MOGAT2: variants seen among roughly 807,000 people sequenced by gnomAD.
MOGAT2 encodes the protein monoacylglycerol O-acyltransferase 2, also known as 2-acylglycerol O-acyltransferase 2.
MOGAT2 carries 27 observed loss-of-function variants against 31.5 expected under a neutral mutation model. That is an observed-to-expected ratio of 0.86 (90% confidence interval 0.63 to 1.18). The LOEUF is 1.18. Ranked by LOEUF, MOGAT2 falls within the 50% of genes most tolerant of loss-of-function variation. The pLI is 0.00. For missense variants in MOGAT2, 436 were observed against 433.2 expected, an observed-to-expected ratio of 1.01 and a Z score of -0.06; for synonymous variants, 163 against 170.0, an observed-to-expected ratio of 0.96 and a Z score of 0.32.
Position 75,731,428 on chromosome 11 carries a change from C to A in MOGAT2, c.*142C>A. ...ACCCATATCAGGCTGTAAGTCAGAGCAGGCAATGCAGAAGAGGAGACCAGA... is the reference window on the plus strand; with the variant it reads ...ACCCATATCAGGCTGTAAGTCAGAGAAGGCAATGCAGAAGAGGAGACCAGA... On this transcript the variant is annotated 3_prime_UTR_variant, in exon 6 of 6. Transcript: ENST00000198801. 1.1e-6 allele frequency: 1 copy of A among 941,086 alleles called. No homozygotes were observed. The highest frequency in any genetic ancestry group is 1.5e-6 in the Non-Finnish European group (1 of 670,928). 58.3% of individuals were successfully genotyped at this position (941,086 alleles called of 1,614,324 possible).
chr11:75,727,769 CA>C (rs1372118841), intron 3 of MOGAT2, 130 bp downstream of exon 3: 7 of 1,071,572 alleles, frequency 6.5e-6, no homozygotes, highest in Non-Finnish European at 9.5e-6. Flanking sequence ...GCACTTCCTA[CA>C]GCACCATGCT....
At chr11:75,722,914 C>T (rs1176722828) in intron 2 of MOGAT2, among the ~76,000 whole-genome samples, 4 of 152,196 alleles carry the variant, frequency 2.6e-5, no homozygotes, top group African/African-American at 7.2e-5. Flanking sequence ...ACACAGGCCT[C>T]GATTTGCAGA....
In MOGAT2 at chr11:75,727,432, C is replaced by A. The variant is rs189844213; in HGVS notation, c.271-3C>A. 58 of 1,612,498 alleles carry A rather than the reference C, an allele frequency of 3.6e-5. No individual in the cohort carries two copies. In the Admixed American group the frequency reaches 9.5e-4, roughly 26 times the overall value. On this transcript the variant is annotated splice_polypyrimidine_tract_variant and splice_region_variant and intron_variant, in intron 2 of 5. Transcript: ENST00000198801. ...CTGGCTCAGCAGGTTGCCGTCCCTG[C>A]AGCTGGTCAAGACTGCTGAGCTGGA...
intron 5 of MOGAT2, among the ~76,000 whole-genome samples, chr11:75,730,313 C>T (rs763454389): frequency 4.6e-5 from 7 of 152,108 alleles, no homozygotes; most frequent in East Asian, 1.9e-4. Flanking sequence ...TGCAGGTCAG[C>T]GTGGAGGGGT....
At chr11:75,728,702 C>T (rs746768680) in intron 4 of MOGAT2, 88 bp from the exon 5 acceptor site, 9 of 1,176,648 alleles carry the variant, frequency 7.6e-6, no homozygotes, top group Non-Finnish European at 1.1e-5. Context: ...TTCTTGGTCA[C>T]TGAGTCCCTG....
intron 2 of MOGAT2, among the ~76,000 whole-genome samples, chr11:75,722,237 C>T (rs914386171): frequency 1.3e-5 from 2 of 152,190 alleles, no homozygotes; most frequent in Non-Finnish European, 2.9e-5. Flanking sequence ...CTCATCCCCA[C>T]CCCAGGACCT....
chr11:75,729,018 G>A, intron 5 of MOGAT2, 29 bp downstream of exon 5: 4 of 1,608,598 alleles, frequency 2.5e-6, no homozygotes, highest in Non-Finnish European at 3.4e-6. Context: ...TGGGAGGGAG[G>A]AGGCCAAAGG....
chr11:75,719,043 A>C, intron 1 of MOGAT2, among the ~76,000 whole-genome samples: 1 of 151,192 alleles, frequency 6.6e-6, no homozygotes, highest in Admixed American at 6.6e-5. Flanking sequence ...GTAGTGAAAA[A>C]ACTCCCCCTT....
At chr11:75,730,273 C>T (rs1944463623) in intron 5 of MOGAT2, among the ~76,000 whole-genome samples, 1 of 152,182 alleles carries the variant, frequency 6.6e-6, no homozygotes, top group Admixed American at 6.5e-5. Context: ...TAGGTCCTTC[C>T]TGGTTCTTCC....
rs1944493715 is a variant in MOGAT2 at position 75,732,653 on chromosome 11, G to GATGCCATGGA, written c.*1375_*1384dup. ...CTCTGAGTTTTTGCCCATGATGTTG[G>GATGCCATGGA]ATGCCATGGAATGCCATATCCTCCC... On this transcript the variant is annotated 3_prime_UTR_variant, in exon 6 of 6. Transcript: ENST00000198801. 1.3e-5 allele frequency: 2 copies of GATGCCATGGA among 152,250 alleles called. No individual in the cohort carries two copies. The highest frequency in any genetic ancestry group is 4.8e-5 in the African/African-American group (2 of 41,398). 9.4% of individuals were successfully genotyped at this position (152,250 alleles called of 1,614,324 possible).
chr11:75,728,925 T>C lies in MOGAT2; in HGVS notation c.786T>C (p.His262=). The C allele has an allele frequency of 3.1e-6, 5 of 1,614,206 alleles. No individual in the cohort carries two copies. The highest frequency in any genetic ancestry group is 4.2e-6 in the Non-Finnish European group (5 of 1,180,042). Residue 262 remains histidine (H), a synonymous_variant, in exon 5 of 6, where the codon CAT becomes CAC. Coordinates refer to ENST00000198801, the MANE Select transcript of MOGAT2 (RefSeq NM_025098.4). ...KIMGISLPLF[H]GRGVFQYSFG... is the part of the protein sequence containing the mutation. The stretch of plus-strand genomic sequence containing the variant: ...TGGGCATCTCCCTCCCACTCTTTCA[T>C]GGCCGTGGTGTCTTCCAGTACAGCT...
In MOGAT2 at chr11:75,731,271, C is replaced by T; in HGVS notation, c.990C>T (p.His330=). 6.2e-7 allele frequency: 1 copy of T among 1,614,102 alleles called. No individual in the cohort carries two copies. Among genetic ancestry groups the T allele is most frequent in the Non-Finnish European group, 8.5e-7 (1 of 1,179,992 alleles). ...KLKFNIPADQ[H]LEFC ...AGTTCAACATCCCTGCTGACCAGCA[C>T]TTGGAGTTCTGCTGAGCCCAAAGGG... Residue 330 remains histidine (H), a synonymous_variant, in exon 6 of 6, where the codon CAC becomes CAT. Transcript: ENST00000198801.
At chr11:75,730,023 G>A (rs145116727) in intron 5 of MOGAT2, among the ~76,000 whole-genome samples, 2 of 152,320 alleles carry the variant, frequency 1.3e-5, no homozygotes, top group East Asian at 3.9e-4. Context: ...GGGATTACAG[G>A]CATAAGCCAC....
intron 2 of MOGAT2, among the ~76,000 whole-genome samples, chr11:75,723,784 C>T (rs117111120): frequency 0.034 from 5,139 of 152,180 alleles, 116 homozygotes; most frequent in Non-Finnish European, 0.054. Context: ...CAATAGCAGC[C>T]CCCAGAGCCT....
chr11:75,727,381 G>A, intron 2 of MOGAT2, 54 bp from the exon 3 acceptor site: 2 of 1,557,620 alleles, frequency 1.3e-6, no homozygotes, highest in South Asian at 2.3e-5. Context: ...GAGTGGCAGA[G>A]TCAGGGCTGG....
In MOGAT2 at chr11:75,724,092, T is replaced by C. The variant is rs960448119; in HGVS notation, c.271-3343T>C. ...CAGGGGCTTGGCAATGGTCATGTGATGAGCCAGCGGCAGAACCGGGGTCTC... is the reference window on the plus strand; with the variant it reads ...CAGGGGCTTGGCAATGGTCATGTGACGAGCCAGCGGCAGAACCGGGGTCTC... On this transcript the variant is annotated intron_variant, in intron 2 of 5. Transcript: ENST00000198801. 2.7e-4 allele frequency among the ~76,000 whole-genome samples: 41 copies of C among 152,196 alleles called. 1 individual carries two copies. The highest frequency in any genetic ancestry group is 4.4e-5 in the Non-Finnish European group (3 of 68,036).
In MOGAT2 at chr11:75,727,453, C is replaced by G; in HGVS notation, c.289C>G (p.Leu97Val). ...FPISLVKTAELDPSRNYIAGF... is the reference protein window; with the variant it reads ...FPISLVKTAEVDPSRNYIAGF... ...CCTGCAGCTGGTCAAGACTGCTGAGCTGGACCCCTCTCGGAACTACATTGC... is the reference window on the plus strand; with the variant it reads ...CCTGCAGCTGGTCAAGACTGCTGAGGTGGACCCCTCTCGGAACTACATTGC... Residue 97 changes from leucine (L) to valine (V), a missense_variant, in exon 3 of 6, where the codon CTG becomes GTG. Transcript: ENST00000198801. 1 of 1,614,096 alleles carries G rather than the reference C, an allele frequency of 6.2e-7. No homozygotes were observed. Among genetic ancestry groups the G allele is most frequent in the South Asian group, 1.1e-5 (1 of 91,078 alleles).
rs1285488921 is a variant in MOGAT2 at position 75,717,864 on chromosome 11, G to C, written c.-25G>C. 1.2e-6 allele frequency: 2 copies of C among 1,611,394 alleles called. No individual in the cohort carries two copies. The highest frequency in any genetic ancestry group is 1.7e-6 in the Non-Finnish European group (2 of 1,178,318). On this transcript the variant is annotated 5_prime_UTR_variant, in exon 1 of 6. Transcript: ENST00000198801. ...GACCACAGCAGAGCTCACAGAACCT[G>C]CGGGAGCCAGGCTGACCCGCCAGCA...
In MOGAT2 at chr11:75,731,493, G is replaced by C. The variant is rs1345652148; in HGVS notation, c.*207G>C. On this transcript the variant is annotated 3_prime_UTR_variant, in exon 6 of 6. Transcript: ENST00000198801. ...GGGGCTAGGACAGTGAGGGCTGCTA[G>C]AGGGGCTGGGCCTCTCTTTGCACAT... 2 of 552,822 alleles carry C rather than the reference G, an allele frequency of 3.6e-6. No individual in the cohort carries two copies. The highest frequency in any genetic ancestry group is 4.1e-5 in the African/African-American group (2 of 49,148). 34.2% of individuals were successfully genotyped at this position (552,822 alleles called of 1,614,324 possible).
Sources: allele counts gnomAD v4.1 joint callset (sites outside exome capture counted in the v4.1 genomes callset), GRCh38; gene constraint gnomAD v4.1.1; transcripts MANE v1.5; gene names NCBI Gene and HGNC (gene_info 2026-07-23, HGNC 2026-07-21).